KIZ: variants seen among roughly 807,000 people sequenced by gnomAD.
KIZ encodes the protein centrosomal protein kizuna.
A neutral mutation model predicts 79.6 loss-of-function variants in KIZ; 68 were observed. That is an observed-to-expected ratio of 0.85 (90% CI 0.70 to 1.05). KIZ has a LOEUF of 1.05. Among genes scored for constraint, KIZ ranks in the 50% least tolerant of loss-of-function variants. KIZ has a pLI of 0.00. For missense variants in KIZ, 797 were observed against 800.4 expected (o/e 1.00, Z 0.05); for synonymous variants, 280 against 281.8 (o/e 0.99, Z 0.06).
chr20:21,218,096 A>C (rs911749032), intron 9 of KIZ: 2 of 152,250 alleles, frequency 1.3e-5, no homozygotes, highest in African/African-American at 4.8e-5. Context: ...TAGTTTCTGC[A>C]AGAAATTGCC....
At chr20:21,234,878 A>G (rs2036954196) in intron 11 of KIZ, among the ~76,000 whole-genome samples, 1 of 151,970 alleles carries the variant, frequency 6.6e-6, no homozygotes, top group African/African-American at 2.4e-5. Context: ...ACTTTAAAGC[A>G]GCGGCTTGGG....
intron 4 of KIZ, chr20:21,148,821 C>G (rs187724934): frequency 3.9e-5 from 6 of 152,264 alleles, no homozygotes; most frequent in Non-Finnish European, 2.9e-5. Flanking sequence ...CATACTCTGT[C>G]AGGGATGGAT....
At position 21,202,299 on chromosome 20, in the gene KIZ, T is replaced by C. The variant is rs970776896; in HGVS notation, c.1353-3192T>C. 8.5e-5 allele frequency: 13 copies of C among 152,348 alleles called. No homozygotes were observed. In the East Asian group the frequency reaches 1.9e-3, roughly 23 times the overall value. 9.4% of individuals were successfully genotyped at this position (152,348 alleles called of 1,614,324 possible). A position where few individuals can be genotyped will look rare whatever the true frequency, so the allele number is the denominator to read the frequency against. On this transcript the variant is annotated intron_variant, in intron 6 of 12. Transcript: ENST00000619189. ...GCCAAAAGCATAGTTGACTTACTTA[T>C]TATAAGAAATGTACCTGCTGAATGG...
intron 11 of KIZ, among the ~76,000 whole-genome samples, chr20:21,233,071 A>T (rs2036886727): frequency 6.6e-6 from 1 of 152,252 alleles, no homozygotes; most frequent in African/African-American, 2.4e-5. Flanking sequence ...CACCTCAGTG[A>T]ACCACAAATT....
intron 6 of KIZ, among the ~76,000 whole-genome samples, chr20:21,174,868 A>G (rs1446928189): frequency 6.6e-6 from 1 of 152,238 alleles, no homozygotes; most frequent in African/African-American, 2.4e-5. Context: ...GCTGAAAGTC[A>G]TGTGCCTGGA....
chr20:21,246,060 C>T (rs2037376134), intron 12 of KIZ: 1 of 173,102 alleles, frequency 5.8e-6, no homozygotes, highest in Non-Finnish European at 1.2e-5. Flanking sequence ...CTGCTTATTC[C>T]TCTGCCACGT....
At chr20:21,162,568 G>A (rs939283441) in intron 5 of KIZ, 61 bp downstream of exon 5, 1 of 1,230,930 alleles carries the variant, frequency 8.1e-7, no homozygotes, top group South Asian at 1.5e-5. Context: ...CTTATGTAAG[G>A]ACAAAATATA....
intron 10 of KIZ, among the ~76,000 whole-genome samples, chr20:21,230,959 A>C (rs1182044152): frequency 6.6e-6 from 1 of 152,234 alleles, no homozygotes; most frequent in African/African-American, 2.4e-5. Context: ...GATAGCTGAC[A>C]CACACACTTT....
intron 6 of KIZ, among the ~76,000 whole-genome samples, chr20:21,202,154 C>A (rs2035623988): frequency 6.6e-6 from 1 of 152,180 alleles, no homozygotes; most frequent in Non-Finnish European, 1.5e-5. Flanking sequence ...AAGAGTCTTG[C>A]CTTCATTTTG....
At chr20:21,226,791 G>A (rs1320017092) in intron 9 of KIZ, among the ~76,000 whole-genome samples, 1 of 152,200 alleles carries the variant, frequency 6.6e-6, no homozygotes, top group Non-Finnish European at 1.5e-5. Context: ...AGCCCTTTAG[G>A]ACTCAGGTCA....
At chr20:21,227,639 C>T (rs2036699748) in intron 9 of KIZ, among the ~76,000 whole-genome samples, 1 of 152,054 alleles carries the variant, frequency 6.6e-6, no homozygotes, top group Non-Finnish European at 1.5e-5. Flanking sequence ...TCACAGTTAC[C>T]TTACAGTATA....
intron 9 of KIZ, among the ~76,000 whole-genome samples, chr20:21,224,150 T>C (rs774107173): frequency 9.2e-5 from 14 of 152,084 alleles, no homozygotes; most frequent in Non-Finnish European, 1.5e-5. Context: ...CGCGCCACCA[T>C]GCAGTGGTGC....
chr20:21,222,207 G>C (rs1248345711), intron 9 of KIZ, among the ~76,000 whole-genome samples: 9 of 152,206 alleles, frequency 5.9e-5, no homozygotes, highest in African/African-American at 2.2e-4. Flanking sequence ...TTTCTGAAGG[G>C]TCTTCTGGAC....
chr20:21,214,784 C>A (rs1021083739), intron 8 of KIZ, 84 bp downstream of exon 8: 1 of 817,800 alleles, frequency 1.2e-6, no homozygotes, highest in South Asian at 1.7e-5. Flanking sequence ...TATAGAATAT[C>A]ACTGACTAGT....
At chr20:21,142,862 T>C (rs969560907) in intron 3 of KIZ, among the ~76,000 whole-genome samples, 1 of 152,114 alleles carries the variant, frequency 6.6e-6, no homozygotes, top group South Asian at 2.1e-4. Context: ...CATTAGGTTA[T>C]GTATGCCTAT....
At chr20:21,207,020 G>A (rs1022404940) in intron 7 of KIZ, among the ~76,000 whole-genome samples, 7 of 152,172 alleles carry the variant, frequency 4.6e-5, no homozygotes, top group Non-Finnish European at 1.0e-4. Context: ...TGAACATCTT[G>A]GGAATGTGTC....
chr20:21,139,844 A>G (rs558444782), intron 3 of KIZ, among the ~76,000 whole-genome samples: 1 of 152,326 alleles, frequency 6.6e-6, no homozygotes, highest in South Asian at 2.1e-4. Flanking sequence ...AAAATTATGT[A>G]GGTGTTCCTT....
chr20:21,130,144 C>T (rs1391139774), intron 1 of KIZ, among the ~76,000 whole-genome samples: 1 of 152,134 alleles, frequency 6.6e-6, no homozygotes, highest in Admixed American at 6.5e-5. Flanking sequence ...CTGCAAACCG[C>T]GGTTGCATTT....
intron 6 of KIZ, among the ~76,000 whole-genome samples, chr20:21,180,697 G>T (rs1600471434): frequency 6.6e-6 from 1 of 152,158 alleles, no homozygotes; most frequent in Admixed American, 6.5e-5. Context: ...GAGAAAGCAG[G>T]ACATAGGCAG....
Sources: allele counts gnomAD v4.1 joint callset (sites outside exome capture counted in the v4.1 genomes callset), GRCh38; gene constraint gnomAD v4.1.1; transcripts MANE v1.5; gene names NCBI Gene and HGNC (gene_info 2026-07-23, HGNC 2026-07-21).